Variants in ZNF536 observed in about 807,000 individuals in gnomAD.
ZNF536 encodes zinc finger protein 536.
A neutral mutation model predicts 84.5 loss-of-function variants in ZNF536; 13 were observed. The ratio of observed to expected loss-of-function variants is 0.15; its 90% confidence interval spans 0.10 to 0.24. ZNF536 has a LOEUF of 0.24. Among genes scored for constraint, ZNF536 ranks in the 10% least tolerant of loss-of-function variants. The probability of loss-of-function intolerance (pLI) is 1.00; values close to 1 mark genes in which losing one functional copy is unlikely to be tolerated. For missense variants in ZNF536, 1,536 were observed against 1,747.5 expected (o/e 0.88, Z 2.16); for synonymous variants, 811 against 742.5 (o/e 1.09, Z -1.50).
At chr19:30,627,561 G>C (rs1442542462) in intron 1 of ZNF536, among the ~76,000 whole-genome samples, 1 of 146,672 alleles carries the variant, frequency 6.8e-6, no homozygotes, top group East Asian at 2.1e-4. Context: ...TGCCTCCATT[G>C]TGCTGTGTGA....
chr19:30,410,725 G>A (rs1045142889), intron 1 of ZNF536, among the ~76,000 whole-genome samples: 10 of 151,972 alleles, frequency 6.6e-5, no homozygotes, highest in East Asian at 1.9e-4. Flanking sequence ...TGATCCGCCC[G>A]CCTCGGCCTC....
chr19:30,314,814 C>T (rs982779595), intron 2 of ZNF536, among the ~76,000 whole-genome samples: 1 of 152,072 alleles, frequency 6.6e-6, no homozygotes, highest in East Asian at 1.9e-4. Context: ...TCGCACCCAA[C>T]CCCTCCCCTT....
intron 1 of ZNF536, among the ~76,000 whole-genome samples, chr19:30,383,143 A>G (rs971955735): frequency 6.6e-6 from 1 of 152,100 alleles, no homozygotes; most frequent in Non-Finnish European, 1.5e-5. Context: ...TATAAAACTT[A>G]GCTGGGCATG....
At position 30,549,205 on chromosome 19, in the gene ZNF536, G is replaced by A. The variant is rs1230548852; in HGVS notation, c.3586G>A (p.Ala1196Thr). Residue 1196 changes from alanine (A) to threonine (T), a missense_variant, in exon 4 of 5, where the codon GCC (alanine) becomes ACC (threonine). Around this residue, in one of 8 missense-constraint regions of ZNF536, gnomAD observed 624 missense variants for 603.1 expected, o/e 1.03. Coordinates refer to ENST00000355537, the MANE Select transcript of ZNF536 (RefSeq NM_014717.3). The part of the protein sequence containing the change: ...EPEMMTKPLS[A>T]LSKDSSSDGG... ...GGAAATGATGACCAAGCCACTGTCT[G>A]CCCTCAGCAAAGACAGCAGCAGCGA... 1 of 1,614,102 alleles carries A rather than the reference G, an allele frequency of 6.2e-7. No homozygotes were observed. Among genetic ancestry groups the A allele is most frequent in the East Asian group, 2.2e-5 (1 of 44,886 alleles).
intron 1 of ZNF536, among the ~76,000 whole-genome samples, chr19:30,584,166 A>G (rs2146707818): frequency 1.3e-5 from 2 of 152,096 alleles, no homozygotes; most frequent in Middle Eastern, 6.8e-3. Context: ...CCTATCCATC[A>G]TTCCAGGCCC....
intron 2 of ZNF536, among the ~76,000 whole-genome samples, chr19:30,316,068 T>C (rs1240025143): frequency 6.6e-6 from 1 of 152,242 alleles, no homozygotes; most frequent in Non-Finnish European, 1.5e-5. Context: ...GACATTACGC[T>C]TAAAATGCTG....
intron 1 of ZNF536, among the ~76,000 whole-genome samples, chr19:30,577,908 C>G (rs927107070): frequency 6.6e-6 from 1 of 152,154 alleles, no homozygotes; most frequent in Non-Finnish European, 1.5e-5. Context: ...AAATCAGACT[C>G]AAGTTTCCTG....
chr19:30,306,804 T>C (rs1181340466), intron 2 of ZNF536, among the ~76,000 whole-genome samples: 3 of 152,174 alleles, frequency 2.0e-5, no homozygotes, highest in Non-Finnish European at 4.4e-5. Flanking sequence ...CTGAATGAAA[T>C]ATGAATGTGC....
chr19:30,336,567 C>T (rs1284266088), intron 2 of ZNF536, among the ~76,000 whole-genome samples: 1 of 152,020 alleles, frequency 6.6e-6, no homozygotes, highest in Non-Finnish European at 1.5e-5. Flanking sequence ...ATCTTTGAAT[C>T]CTGGCTGGCA....
intron 2 of ZNF536, among the ~76,000 whole-genome samples, chr19:30,496,460 C>G (rs1039763427): frequency 2.6e-5 from 4 of 152,160 alleles, no homozygotes; most frequent in African/African-American, 9.7e-5. Context: ...ATCTAATGAT[C>G]CTTCTACTTG....
chr19:30,467,470 G>C (rs1234823573), intron 2 of ZNF536, among the ~76,000 whole-genome samples: 1 of 152,158 alleles, frequency 6.6e-6, no homozygotes, highest in Non-Finnish European at 1.5e-5. Flanking sequence ...CGGCTGTATA[G>C]TATTCTATTG....
intron 1 of ZNF536, among the ~76,000 whole-genome samples, chr19:30,282,516 G>C (rs1163615520): frequency 2.0e-5 from 3 of 152,182 alleles, no homozygotes; most frequent in Non-Finnish European, 4.4e-5. Context: ...GGAATTTACA[G>C]GGCCTCTAAG....
chr19:30,336,155 C>T (rs186183291), intron 2 of ZNF536, among the ~76,000 whole-genome samples: 11 of 152,302 alleles, frequency 7.2e-5, no homozygotes, highest in Admixed American at 7.2e-4. Flanking sequence ...GTTTAGGTTC[C>T]AGCATGAGAG....
At chr19:30,371,758 A>G (rs1375303116), upstream of ZNF536, among the ~76,000 whole-genome samples, 1 of 151,036 alleles carries the variant, frequency 6.6e-6, no homozygotes, top group Non-Finnish European at 1.5e-5. Context: ...TTAGAAAATA[A>G]ATTATTTCTT....
chr19:30,284,637 G>A (rs1472829155), intron 2 of ZNF536, among the ~76,000 whole-genome samples: 3 of 152,156 alleles, frequency 2.0e-5, no homozygotes, highest in Admixed American at 6.5e-5. Context: ...GTGTATTTCC[G>A]GCATGGGAGC....
chr19:30,483,267 T>G (rs2054159824), intron 2 of ZNF536, among the ~76,000 whole-genome samples: 1 of 152,178 alleles, frequency 6.6e-6, no homozygotes, highest in Non-Finnish European at 1.5e-5. Context: ...GTGAGCAAGG[T>G]GGCTCCCCTT....
intron 2 of ZNF536, among the ~76,000 whole-genome samples, chr19:30,453,829 G>T (rs1190100445): frequency 6.6e-6 from 1 of 152,250 alleles, no homozygotes; most frequent in South Asian, 2.1e-4. Flanking sequence ...ACCCCCAAGA[G>T]AAAGTTGTCC....
intron 1 of ZNF536, among the ~76,000 whole-genome samples, chr19:30,707,877 G>T (rs1465180364): frequency 6.6e-6 from 1 of 151,964 alleles, no homozygotes; most frequent in Non-Finnish European, 1.5e-5. Flanking sequence ...GGGCATGGTG[G>T]CTTATGCCTG....
chr19:30,299,480 G>T (rs1271682570), intron 2 of ZNF536, among the ~76,000 whole-genome samples: 2 of 152,146 alleles, frequency 1.3e-5, no homozygotes, highest in South Asian at 2.1e-4. Flanking sequence ...TGCCTGTGAG[G>T]GTAGGTGGTG....
Sources: allele counts gnomAD v4.1 joint callset (sites outside exome capture counted in the v4.1 genomes callset), GRCh38; gene constraint gnomAD v4.1.1; regional missense constraint gnomAD v4.1.1; transcripts MANE v1.5; gene names NCBI Gene and HGNC (gene_info 2026-07-23, HGNC 2026-07-21).